Variants in XYLT1 observed in about 807,000 individuals in gnomAD.
XYLT1 encodes the protein beta-D-xylosyltransferase 1.
XYLT1 carries 36 observed loss-of-function variants against 91.3 expected under a neutral mutation model. The ratio of observed to expected loss-of-function variants is 0.39; its 90% CI spans 0.30 to 0.52. XYLT1 has a LOEUF of 0.52. XYLT1 is among the 20% of genes least tolerant of loss of function. The pLI, the probability that XYLT1 is intolerant of heterozygous loss-of-function variation, is 0.68. For missense variants in XYLT1, 1,242 were observed against 1,284.5 expected (o/e 0.97, Z 0.51); for synonymous variants, 588 against 532.0 (o/e 1.11, Z -1.45).
chr16:17,317,279 C>G lies in XYLT1; in HGVS notation c.402+40733G>C, dbSNP rs189006034. Among the ~76,000 whole-genome samples the G allele has an allele frequency of 2.0e-5, 3 of 152,226 alleles. No homozygotes were observed. In the East Asian group the frequency reaches 5.8e-4, roughly 29 times the overall value. ...GAGAGGTGAGGCAACCTTTGACATT[C>G]TTGACGGATGCCCTGGAAGACTGGT... On this transcript the variant is annotated intron_variant, in intron 2 of 11. Coordinates refer to ENST00000261381, the MANE Select transcript of XYLT1 (RefSeq NM_022166.4).
intron 11 of XYLT1, among the ~76,000 whole-genome samples, chr16:17,114,717 TGAGTTTGTGATCTGTTAGAGATG>T (rs1232837608): frequency 6.6e-6 from 1 of 152,218 alleles, no homozygotes; most frequent in African/African-American, 2.4e-5. Context: ...TTCTGGCTTT[TGAGTTTGTGATCTGTTAGAGATG>T]GACATGAATA....
At chr16:17,347,701 T>A (rs1020307712) in intron 2 of XYLT1, among the ~76,000 whole-genome samples, 1 of 152,226 alleles carries the variant, frequency 6.6e-6, no homozygotes, top group Non-Finnish European at 1.5e-5. Context: ...TGACTCCCCA[T>A]GGCAAGTCCC....
chr16:17,164,219 CA>C (rs2031626128), intron 5 of XYLT1, among the ~76,000 whole-genome samples: 1 of 151,956 alleles, frequency 6.6e-6, no homozygotes, highest in Admixed American at 6.6e-5. Context: ...TAAGTTATTT[CA>C]TATGTCTATT....
chr16:17,407,401 C>G (rs1171717166), intron 1 of XYLT1, among the ~76,000 whole-genome samples: 1 of 152,170 alleles, frequency 6.6e-6, no homozygotes, highest in African/African-American at 2.4e-5. Flanking sequence ...TTTCAAAGTG[C>G]CTGCTAAGCC....
chr16:17,221,131 G>C (rs536483763), intron 3 of XYLT1, among the ~76,000 whole-genome samples: 2 of 151,952 alleles, frequency 1.3e-5, no homozygotes, highest in East Asian at 3.9e-4. Flanking sequence ...ATATTGTTTG[G>C]GGTCCTCGTC....
At chr16:17,229,296 T>C (rs1567332678) in intron 3 of XYLT1, among the ~76,000 whole-genome samples, 1 of 152,208 alleles carries the variant, frequency 6.6e-6, no homozygotes, top group East Asian at 1.9e-4. Context: ...CGCATGTCCA[T>C]GTGAGGGCTG....
intron 1 of XYLT1, among the ~76,000 whole-genome samples, chr16:17,416,209 C>T (rs1052001632): frequency 6.6e-6 from 1 of 152,220 alleles, no homozygotes; most frequent in Admixed American, 6.5e-5. Flanking sequence ...CCAAAAATGT[C>T]TCCAGACATT....
At chr16:17,439,116 G>A (rs1345415531) in intron 1 of XYLT1, among the ~76,000 whole-genome samples, 4 of 152,300 alleles carry the variant, frequency 2.6e-5, no homozygotes, top group East Asian at 3.9e-4. Flanking sequence ...TCAAATCATT[G>A]TCATCATCAT....
chr16:17,386,379 A>G (rs2035747692), intron 1 of XYLT1, among the ~76,000 whole-genome samples: 1 of 152,180 alleles, frequency 6.6e-6, no homozygotes, highest in South Asian at 2.1e-4. Context: ...AAAGAGCTGG[A>G]GGCGGGGAGG....
At chr16:17,156,915 A>G (rs1306189860) in intron 6 of XYLT1, among the ~76,000 whole-genome samples, 2 of 151,992 alleles carry the variant, frequency 1.3e-5, no homozygotes, top group Non-Finnish European at 2.9e-5. Context: ...AATTTAGAAA[A>G]ATGATACAAC....
At chr16:17,395,470 AC>A (rs2035872033) in intron 1 of XYLT1, among the ~76,000 whole-genome samples, 1 of 152,196 alleles carries the variant, frequency 6.6e-6, no homozygotes, top group South Asian at 2.1e-4. Flanking sequence ...TGATCGCACC[AC>A]TGCACTCCAG....
chr16:17,351,760 G>T (rs1282368047), intron 2 of XYLT1, among the ~76,000 whole-genome samples: 1 of 149,638 alleles, frequency 6.7e-6, no homozygotes, highest in Admixed American at 6.6e-5. Context: ...GGGGGGGGGT[G>T]CTTTCCTGTG....
rs879806292 is a variant in XYLT1, at chr16:17,344,710, C to CT, written c.402+13301dup. ...CTTCGCAGCCAACTGTCTAAGGATT[C>CT]TTTTTTTTTTTTTGAGACAGGTCTC... On this transcript the variant is annotated intron_variant, in intron 2 of 11. Transcript: ENST00000261381. Among the ~76,000 whole-genome samples the CT allele has an allele frequency of 3.7e-3, 530 of 143,434 alleles. 2 individuals carry two copies. The highest frequency in any genetic ancestry group is 9.1e-3 in the African/African-American group (359 of 39,568). 94.1% of individuals were successfully genotyped at this position (143,434 alleles called of 152,430 possible).
intron 2 of XYLT1, among the ~76,000 whole-genome samples, chr16:17,316,139 C>G (rs909801321): frequency 6.6e-6 from 1 of 152,166 alleles, no homozygotes; most frequent in African/African-American, 2.4e-5. Context: ...TTTATCTGAT[C>G]AATTTTCTAG....
At chr16:17,373,773 G>C in intron 1 of XYLT1, among the ~76,000 whole-genome samples, 1 of 152,308 alleles carries the variant, frequency 6.6e-6, no homozygotes, top group Non-Finnish European at 1.5e-5. Flanking sequence ...CAGTGTTGGA[G>C]CTAGAATTTG....
intron 2 of XYLT1, among the ~76,000 whole-genome samples, chr16:17,303,932 T>C (rs559405506): frequency 6.6e-6 from 1 of 152,278 alleles, no homozygotes; most frequent in African/African-American, 2.4e-5. Flanking sequence ...GCAAATGATG[T>C]GGCAGACACA....
At position 17,102,806 on chromosome 16, in the gene XYLT1, T is replaced by C. The variant is rs1966723873; in HGVS notation, c.*5889A>G. ...CACATTACAAAATATTTCTGTACAG[T>C]TTTATGCATATTATGATCTATAACA... is the stretch of plus-strand genomic sequence containing the variant. On this transcript the variant is annotated 3_prime_UTR_variant, in exon 12 of 12. Coordinates refer to ENST00000261381, the MANE Select transcript of XYLT1 (RefSeq NM_022166.4). The C allele has an allele frequency of 1.3e-5, 2 of 152,576 alleles. No homozygotes were observed. Among genetic ancestry groups the C allele is most frequent in the African/African-American group, 4.8e-5 (2 of 41,428 alleles). 9.5% of individuals were successfully genotyped at this position (152,576 alleles called of 1,614,324 possible).
rs373702191 is a variant in XYLT1 at position 17,446,238 on chromosome 16, C to T, written c.363+24196G>A. 7 of 152,190 alleles carry T rather than the reference C, an allele frequency of 4.6e-5. No homozygotes were observed. In the East Asian group the frequency reaches 5.8e-4, roughly 13 times the overall value. The allele number at this position is 152,190 out of a possible 1,614,324, so 9.4% of individuals were successfully genotyped here. A position where few individuals can be genotyped will look rare whatever the true frequency, so the allele number is the denominator to read the frequency against. On this transcript the variant is annotated intron_variant, in intron 1 of 11. Coordinates refer to ENST00000261381, the MANE Select transcript of XYLT1 (RefSeq NM_022166.4). Reference sequence around the variant, plus strand: ...AATCCAGCCTCTGTGAGCTGCTCATCAAGCCATGCTCCACAGTTTCAAAAA... The same window carrying T: ...AATCCAGCCTCTGTGAGCTGCTCATTAAGCCATGCTCCACAGTTTCAAAAA...
intron 2 of XYLT1, among the ~76,000 whole-genome samples, chr16:17,304,618 G>A (rs1174456021): frequency 3.3e-5 from 5 of 152,064 alleles, no homozygotes; most frequent in African/African-American, 9.7e-5. Flanking sequence ...GTCCAAAAGC[G>A]TCATATGTCA....
Sources: allele counts gnomAD v4.1 joint callset (sites outside exome capture counted in the v4.1 genomes callset), GRCh38; gene constraint gnomAD v4.1.1; transcripts MANE v1.5; gene names NCBI Gene and HGNC (gene_info 2026-07-23, HGNC 2026-07-21).